The following FHIT variants were observed in gnomAD, a reference collection of about 807,000 sequenced individuals.
FHIT encodes the protein fragile histidine triad diadenosine triphosphatase.
A neutral mutation model predicts 17.9 loss-of-function variants in FHIT; 19 were observed. That is an observed-to-expected ratio of 1.06 (90% confidence interval 0.74 to 1.56). The LOEUF (loss-of-function observed/expected upper bound fraction) is 1.56. Ranked by LOEUF, FHIT falls within the 40% of genes most tolerant of loss-of-function variation. FHIT has a pLI of 0.00. For missense variants in FHIT, 248 were observed against 189.2 expected (o/e 1.31, Z -1.82); for synonymous variants, 81 against 69.7 (o/e 1.16, Z -0.81).
At position 60,562,065 on chromosome 3, in the gene FHIT, A is replaced by T. The variant is rs2036973143; in HGVS notation, c.-17-25086T>A. On this transcript the variant is annotated intron_variant, in intron 4 of 9. Transcript: ENST00000492590. The stretch of plus-strand genomic sequence containing the variant: ...ATGCTTTCCCTATGTTTGAGTTCTC[A>T]TTCATTTATTCAACATCTACTATGT... 2.0e-5 allele frequency among the ~76,000 whole-genome samples: 3 copies of T among 152,180 alleles called. No homozygotes were observed. In the South Asian group the frequency reaches 6.2e-4, roughly 32 times the overall value.
chr3:59,757,369 G>A (rs906013954), intron 8 of FHIT, among the ~76,000 whole-genome samples: 4 of 152,152 alleles, frequency 2.6e-5, no homozygotes, highest in African/African-American at 9.7e-5. Context: ...TGCTAGAAAT[G>A]GTTTTTGGGG....
chr3:61,237,126 G>C (rs1479234020), intron 1 of FHIT, among the ~76,000 whole-genome samples: 1 of 152,120 alleles, frequency 6.6e-6, no homozygotes, highest in Non-Finnish European at 1.5e-5. Flanking sequence ...ATCTTAGTTT[G>C]TATACTGGAT....
At chr3:59,925,921 A>G (rs1261146151) in intron 7 of FHIT, among the ~76,000 whole-genome samples, 1 of 152,216 alleles carries the variant, frequency 6.6e-6, no homozygotes, top group Non-Finnish European at 1.5e-5. Flanking sequence ...TAAAAACGCT[A>G]TGAATAGCAG....
chr3:60,895,444 C>CT (rs1260888487), intron 3 of FHIT, among the ~76,000 whole-genome samples: 1 of 152,106 alleles, frequency 6.6e-6, no homozygotes, highest in African/African-American at 2.4e-5. Context: ...TATGGGAAGA[C>CT]TTTTTTCTGA....
chr3:60,597,343 A>G (rs1174154166), intron 4 of FHIT, among the ~76,000 whole-genome samples: 3 of 152,146 alleles, frequency 2.0e-5, no homozygotes, highest in Non-Finnish European at 4.4e-5. Context: ...TAATCATTAT[A>G]CATACTTAGG....
intron 7 of FHIT, among the ~76,000 whole-genome samples, chr3:59,961,498 A>C (rs1485042911): frequency 6.6e-6 from 1 of 152,072 alleles, no homozygotes; most frequent in African/African-American, 2.4e-5. Flanking sequence ...GTCTGTCCAA[A>C]TGGCCACCCA....
intron 1 of FHIT, among the ~76,000 whole-genome samples, chr3:61,229,757 G>C (rs2040054170): frequency 6.6e-6 from 1 of 152,206 alleles, no homozygotes; most frequent in Non-Finnish European, 1.5e-5. Flanking sequence ...AGCTTGTGTA[G>C]ACCTTAGAAC....
intron 4 of FHIT, among the ~76,000 whole-genome samples, chr3:60,564,631 G>A (rs2037068007): frequency 6.6e-6 from 1 of 152,110 alleles, no homozygotes; most frequent in Non-Finnish European, 1.5e-5. Context: ...AGGGGTTCAA[G>A]ACATCAGTGG....
At chr3:60,143,945 A>G (rs1220589266) in intron 5 of FHIT, among the ~76,000 whole-genome samples, 1 of 152,166 alleles carries the variant, frequency 6.6e-6, no homozygotes. Context: ...GGCAAGCAGT[A>G]GGTCATACCT....
At chr3:59,851,557 C>G (rs150487918) in intron 8 of FHIT, among the ~76,000 whole-genome samples, 75 of 152,294 alleles carry the variant, frequency 4.9e-4, no homozygotes, top group African/African-American at 1.5e-3. Context: ...CAAGCCCATT[C>G]AATTATCACT....
chr3:61,239,762 C>T (rs1880216), intron 1 of FHIT, among the ~76,000 whole-genome samples: 24,573 of 105,124 alleles, frequency 0.23, 3,944 homozygotes, highest in African/African-American at 0.44. Context: ...AACAACTGGC[C>T]ATATATATAT....
intron 5 of FHIT, among the ~76,000 whole-genome samples, chr3:60,377,497 C>T (rs111386045): frequency 0.29 from 21,400 of 74,044 alleles, 3,658 homozygotes; most frequent in East Asian, 0.55. Context: ...TTTTTTGAGA[C>T]GGAGTCTCGC....
At chr3:60,976,099 T>C (rs1040749486) in intron 3 of FHIT, among the ~76,000 whole-genome samples, 1 of 64,952 alleles carries the variant, frequency 1.5e-5, no homozygotes, top group Admixed American at 1.5e-4. Context: ...TCTTTTTCTT[T>C]TTTTTTTTTT....
chr3:60,452,227 A>G (rs1319290879), intron 5 of FHIT, among the ~76,000 whole-genome samples: 1 of 152,204 alleles, frequency 6.6e-6, no homozygotes, highest in Non-Finnish European at 1.5e-5. Flanking sequence ...ACTCAATAAT[A>G]AAATCACACT....
chr3:60,149,935 C>A (rs1438207819), intron 5 of FHIT, among the ~76,000 whole-genome samples: 4 of 150,352 alleles, frequency 2.7e-5, no homozygotes, highest in South Asian at 2.1e-4. Context: ...GGAGCTTCTG[C>A]AGCCATCCTG....
intron 1 of FHIT, among the ~76,000 whole-genome samples, chr3:61,206,886 T>A (rs979793891): frequency 1.3e-5 from 2 of 152,226 alleles, no homozygotes; most frequent in Admixed American, 6.5e-5. Context: ...AGGGCATCCC[T>A]GTCTTGTGCC....
chr3:60,547,919 A>G (rs1471754045), intron 4 of FHIT, among the ~76,000 whole-genome samples: 2 of 152,154 alleles, frequency 1.3e-5, no homozygotes, highest in African/African-American at 4.8e-5. Flanking sequence ...AACTGACAAT[A>G]GCTCACTTCA....
At chr3:60,344,127 C>A (rs1236920446) in intron 5 of FHIT, among the ~76,000 whole-genome samples, 5 of 152,104 alleles carry the variant, frequency 3.3e-5, no homozygotes, top group African/African-American at 1.2e-4. Context: ...AGAATAATTC[C>A]TTTAAAAAGT....
At chr3:60,344,841 GATATC>G (rs1429260791) in intron 5 of FHIT, among the ~76,000 whole-genome samples, 5 of 151,862 alleles carry the variant, frequency 3.3e-5, no homozygotes, top group African/African-American at 1.2e-4. Context: ...TATTAGCCAA[GATATC>G]ATAAAAGTCT....
Sources: allele counts gnomAD v4.1 joint callset (sites outside exome capture counted in the v4.1 genomes callset), GRCh38; gene constraint gnomAD v4.1.1; transcripts MANE v1.5; gene names NCBI Gene and HGNC (gene_info 2026-07-23, HGNC 2026-07-21).